Variants in PLCH2 observed in about 807,000 individuals in gnomAD.
The protein encoded by PLCH2 is 1-phosphatidylinositol 4,5-bisphosphate phosphodiesterase eta-2.
A neutral mutation model predicts 134.7 loss-of-function variants in PLCH2; 98 were observed. The observed-to-expected ratio is 0.73, with a 90% CI of 0.62 to 0.86. PLCH2 has a LOEUF of 0.86. Among genes scored for constraint, PLCH2 ranks in the 40% least tolerant of loss-of-function variants. The pLI is 0.00. For missense variants in PLCH2, 1,994 were observed against 1,986.6 expected (o/e 1.00, Z -0.07); for synonymous variants, 974 against 827.5 (o/e 1.18, Z -3.04).
In PLCH2 at chr1:2,448,002, C is replaced by T. The variant is rs527638181; in HGVS notation, c.115+17373C>T. On this transcript the variant is annotated intron_variant, in intron 2 of 3. Coordinates refer to the PLCH2 transcript ENST00000609981. This position sits in a 1 kb window ranked among gnomAD's most constrained non-coding sequence, Gnocchi z 4.0. ...TGAGATCATTCAGACCAGGCTGTGC[C>T]GCAGTGCCTGTGGGTGGAGGGCATG... Among the ~76,000 whole-genome samples the T allele has an allele frequency of 2.0e-5, 3 of 152,298 alleles. No homozygotes were observed. Among genetic ancestry groups the T allele is most frequent in the African/African-American group, 7.2e-5 (3 of 41,564 alleles).
intron 1 of PLCH2, among the ~76,000 whole-genome samples, chr1:2,428,124 A>G (rs529311132): frequency 2.0e-5 from 3 of 152,164 alleles, no homozygotes; most frequent in Admixed American, 6.5e-5. Context: ...TGTCCCCAGC[A>G]TGGCCCGGTC....
intron 4 of PLCH2, among the ~76,000 whole-genome samples, chr1:2,483,126 G>T (rs529297465): frequency 2.0e-5 from 3 of 152,190 alleles, no homozygotes; most frequent in African/African-American, 7.2e-5. Flanking sequence ...GCACCTCCTC[G>T]ACTTTTGGAG....
chr1:2,461,894 T>A (rs1161892533), intron 2 of PLCH2, among the ~76,000 whole-genome samples: 1 of 152,024 alleles, frequency 6.6e-6, no homozygotes, highest in Non-Finnish European at 1.5e-5. Flanking sequence ...GCATCTGGCC[T>A]TCCCTGGCCA....
chr1:2,467,339 C>G (rs1388377196), upstream of PLCH2: 2 of 360,624 alleles, frequency 5.5e-6, no homozygotes, highest in East Asian at 8.1e-5. Flanking sequence ...CCTTCCCACT[C>G]CAGCAGAGGC....
intron 2 of PLCH2, among the ~76,000 whole-genome samples, chr1:2,461,351 C>T (rs1640793288): frequency 6.6e-6 from 1 of 152,202 alleles, no homozygotes; most frequent in Admixed American, 6.5e-5. Flanking sequence ...TGCCTGAACC[C>T]CCTGGCAAGG....
At chr1:2,487,043 G>A in intron 6 of PLCH2, 43 bp downstream of exon 6, 4 of 1,548,928 alleles carry the variant, frequency 2.6e-6, no homozygotes, top group Non-Finnish European at 3.5e-6. Flanking sequence ...CTGGGATGCT[G>A]GAGGGGCAAC....
At chr1:2,499,994 A>C in intron 20 of PLCH2, 1 of 559,588 alleles carries the variant, frequency 1.8e-6, no homozygotes, top group Non-Finnish European at 3.2e-6. Flanking sequence ...GCCCTGTGTC[A>C]CCCATGCCTG....
upstream of PLCH2, among the ~76,000 whole-genome samples, chr1:2,464,615 C>G (rs959351366): frequency 2.0e-5 from 3 of 152,200 alleles, no homozygotes; most frequent in Admixed American, 2.0e-4. Context: ...ACCTCCTGCT[C>G]CCCCAAGCCA....
intron 5 of PLCH2, among the ~76,000 whole-genome samples, chr1:2,485,016 C>T (rs1642215226): frequency 6.6e-6 from 1 of 152,134 alleles, no homozygotes; most frequent in Non-Finnish European, 1.5e-5. Context: ...GGTTCTGTGG[C>T]CCAGCCTTTG....
upstream of PLCH2, among the ~76,000 whole-genome samples, chr1:2,473,317 G>A (rs570928407): frequency 1.7e-4 from 26 of 152,286 alleles, no homozygotes; most frequent in South Asian, 2.1e-4. Context: ...AGGGTGGGCC[G>A]GTGCAGCCCA....
chr1:2,484,595 C>A lies in PLCH2; in HGVS notation c.793C>A (p.Arg265Ser), dbSNP rs751498315. Residue 265 changes from arginine (R) to serine (S), a missense_variant, in exon 5 of 22, where the codon CGC becomes AGC. By Grantham distance (110) the Arg-to-Ser change is moderately radical (BLOSUM62 -1). Around this residue, in one of 2 missense-constraint regions of PLCH2, gnomAD observed 1,094 missense variants for 1,234.3 expected, o/e 0.89. Coordinates refer to ENST00000378486, the MANE Select transcript of PLCH2 (RefSeq NM_014638.4). ...CCACCTGGATGCCGCCAGCCTGCAG[C>A]GCTTCCTGCAGGTGGAGCAGAAGGT... ...KDHLDAASLQRFLQVEQKMAG... is the reference protein window; with the variant it reads ...KDHLDAASLQSFLQVEQKMAG... 2 of 1,612,302 alleles carry A rather than the reference C, an allele frequency of 1.2e-6. No homozygotes were observed. The highest frequency in any genetic ancestry group is 1.6e-4 in the Middle Eastern group (1 of 6,084).
intron 1 of PLCH2, among the ~76,000 whole-genome samples, chr1:2,428,569 C>T (rs548181875): frequency 2.0e-5 from 3 of 152,378 alleles, no homozygotes; most frequent in African/African-American, 4.8e-5. Flanking sequence ...CCTAGGCTTG[C>T]GGCAGCCGAC....
Position 2,436,487 on chromosome 1 carries a change from C to T in PLCH2, c.115+5858C>T, listed in dbSNP as rs866957539. Among the ~76,000 whole-genome samples, 52 of 30,320 alleles carry T rather than the reference C, an allele frequency of 1.7e-3. 1 individual carries two copies. Among genetic ancestry groups the T allele is most frequent in the African/African-American group, 0.01 (37 of 3,584 alleles). The allele number at this position is 30,320 out of a possible 152,430, so 19.9% of individuals were successfully genotyped here. A position where few individuals can be genotyped will look rare whatever the true frequency, so the allele number is the denominator to read the frequency against. On this transcript the variant is annotated intron_variant, in intron 2 of 3. Coordinates refer to the PLCH2 transcript ENST00000609981. ...CCTTTCCTCCTTCCTCCCTCCTCCC[C>T]TCCTCCCTCCTCCTCCTTTCCTCCT...
chr1:2,496,511 TAATG>T, intron 13 of PLCH2, 92 bp from the exon 14 acceptor site: 1 of 1,020,702 alleles, frequency 9.8e-7, no homozygotes, highest in East Asian at 2.6e-5. Flanking sequence ...CTGCGTGAAT[TAATG>T]AGGCTGCCCG....
In PLCH2 at chr1:2,496,919, G is replaced by A. The variant is rs753354292; in HGVS notation, c.2025G>A (p.Gln675=). 1.9e-6 allele frequency: 3 copies of A among 1,613,260 alleles called. No individual in the cohort carries two copies. Among genetic ancestry groups the A allele is most frequent in the Non-Finnish European group, 1.7e-6 (2 of 1,179,858 alleles). Reference sequence around the variant, plus strand: ...CGGCGCAGTACCTACGCTTCAACCAGCAGCAGCTCTCCCGCATCTACCCCT... The same window carrying A: ...CGGCGCAGTACCTACGCTTCAACCAACAGCAGCTCTCCCGCATCTACCCCT... ...QKPAQYLRFN[Q]QQLSRIYPSS... Residue 675 remains glutamine, a synonymous_variant, in exon 15 of 22, where the codon CAG becomes CAA. Transcript: ENST00000378486.
intron 2 of PLCH2, among the ~76,000 whole-genome samples, chr1:2,457,167 G>A (rs1423145750): frequency 2.0e-5 from 3 of 151,888 alleles, no homozygotes; most frequent in Non-Finnish European, 4.4e-5. Flanking sequence ...GGTACCCAGG[G>A]CTCTCTCAGG....
intron 2 of PLCH2, among the ~76,000 whole-genome samples, chr1:2,442,578 T>C (rs927390222): frequency 5.3e-5 from 8 of 152,162 alleles, no homozygotes; most frequent in African/African-American, 1.4e-4. Context: ...CTTTCTCAGC[T>C]CTGGCGAGGA....
At chr1:2,499,967 G>C in intron 20 of PLCH2, 1 of 587,718 alleles carries the variant, frequency 1.7e-6, no homozygotes, top group South Asian at 2.0e-5. Context: ...GGTCCTGAGT[G>C]CTCCGGGCCT....
At chr1:2,424,855 G>A (rs543965123), upstream of PLCH2, among the ~76,000 whole-genome samples, 16 of 152,208 alleles carry the variant, frequency 1.1e-4, no homozygotes, top group South Asian at 1.5e-3. Flanking sequence ...GCATGGTGGC[G>A]GGCGCCTGTA....
Sources: gnomAD v4.1 joint callset for allele counts (sites outside exome capture counted in the v4.1 genomes callset) on GRCh38, gnomAD v4.1.1 for gene constraint, gnomAD v4.1.1 regional missense constraint, Gnocchi (gnomAD v3.1) non-coding constraint, MANE v1.5 for transcripts, NCBI Gene and HGNC (gene_info 2026-07-23, HGNC 2026-07-21) for gene names.